The following TPR variants were observed in gnomAD, a reference collection of about 807,000 sequenced individuals.
TPR encodes translocated promoter region, nuclear basket protein, also known as nucleoprotein TPR.
A neutral mutation model predicts 316.1 loss-of-function variants in TPR; 51 were observed. The observed-to-expected ratio is 0.16, with a 90% CI of 0.13 to 0.20. The LOEUF (loss-of-function observed/expected upper bound fraction) is 0.20, where lower values mean the gene tolerates loss of function less well. Ranked by LOEUF, TPR falls within the 10% of genes least tolerant of loss-of-function variation. TPR has a pLI of 1.00. For missense variants in TPR, 2,272 were observed against 2,754.8 expected, an observed-to-expected ratio of 0.82 and a Z score of 3.92; for synonymous variants, 981 against 914.7, an observed-to-expected ratio of 1.07 and a Z score of -1.31.
chr1:186,332,128 T>A, intron 38 of TPR, 67 bp downstream of exon 38: 2 of 1,504,648 alleles, frequency 1.3e-6, no homozygotes, highest in Non-Finnish European at 1.8e-6. Context: ...TTCTTTAGGC[T>A]GTAGCTGAAA....
At position 186,346,302 on chromosome 1, in the gene TPR, A is replaced by G. The variant is rs1352396774; in HGVS notation, c.2944-15T>C. ...TCTTCTGTCACCTTTACCATATTAC[A>G]AACAGTAGGATATAAAAATTACACA... On this transcript the variant is annotated splice_polypyrimidine_tract_variant and intron_variant, in intron 22 of 50. Transcript: ENST00000367478. The G allele has an allele frequency of 6.2e-7, 1 of 1,603,842 alleles. No individual in the cohort carries two copies. The highest frequency in any genetic ancestry group is 2.2e-5 in the East Asian group (1 of 44,672).
chr1:186,325,778 T>C lies in TPR; in HGVS notation c.6098A>G (p.Asp2033Gly), dbSNP rs775107223. ...AAAAATCTCACCACTGTTTTGAGAA[T>C]CAGCAGCTCTGTGATTACCTTCACC... ...GGGEGNHRAADSQNSGEGNTG... is the reference protein window; with the variant it reads ...GGGEGNHRAAGSQNSGEGNTG... Residue 2033 changes from aspartate to glycine, a missense_variant, in exon 42 of 51, where the codon GAT becomes GGT. Physicochemically the swap from Asp to Gly is moderately conservative, Grantham distance 94. Transcript: ENST00000367478. 3 of 1,612,794 alleles carry C rather than the reference T, an allele frequency of 1.9e-6. No individual in the cohort carries two copies. The highest frequency in any genetic ancestry group is 2.5e-6 in the Non-Finnish European group (3 of 1,179,268).
chr1:186,326,353 C>T lies in TPR; in HGVS notation c.5890-118G>A, dbSNP rs534755355. ...TCATTAATCAGAAGATAGGAATTGT[C>T]CTGAGAGTTGTATGGGATTAGTACA... On this transcript the variant is annotated intron_variant, in intron 40 of 50. Coordinates refer to ENST00000367478, the MANE Select transcript of TPR (RefSeq NM_003292.3). 77 of 1,462,118 alleles carry T rather than the reference C, an allele frequency of 5.3e-5. No homozygotes were observed. The African/African-American group carries it at 1.1e-3, about 20-fold the overall frequency. 90.6% of individuals were successfully genotyped at this position (1,462,118 alleles called of 1,614,324 possible).
chr1:186,327,568 C>T lies in TPR; in HGVS notation c.5781G>A (p.Gln1927=), dbSNP rs1658039671. ...CATCCTGGGATGAAGTTGTCGTCTGCTGATCTGATTGAAGTGGCCCAAGAT... is the reference window on the plus strand; with the variant it reads ...CATCCTGGGATGAAGTTGTCGTCTGTTGATCTGATTGAAGTGGCCCAAGAT... The part of the protein sequence containing the change: ...QIDLGPLQSD[Q]QTTTSSQDGQ... Residue 1927 remains glutamine (Q), a synonymous_variant, in exon 40 of 51, where the codon CAG becomes CAA. Transcript: ENST00000367478. 1.2e-6 allele frequency: 2 copies of T among 1,612,434 alleles called. No homozygotes were observed. Among genetic ancestry groups the T allele is most frequent in the Non-Finnish European group, 1.7e-6 (2 of 1,179,744 alleles).
At chr1:186,361,563 TA>T (rs531421366) in intron 9 of TPR, 58 bp downstream of exon 9, 171,597 of 1,095,138 alleles carry the variant, frequency 0.16, no homozygotes, top group South Asian at 0.19. Flanking sequence ...AAAACAAGGG[TA>T]AAAAAAAAAA....
In TPR at chr1:186,347,974, A is replaced by G. The variant is rs1237665758; in HGVS notation, c.2777-516T>C. Among the ~76,000 whole-genome samples the G allele has an allele frequency of 3.3e-5, 5 of 152,354 alleles. No individual in the cohort carries two copies. The East Asian group carries it at 7.7e-4, about 24-fold the overall frequency. ...TGTATGTCACCTCAAGACCACTGTG[A>G]TAACTGCTAACTGTACAAATTGGTT... On this transcript the variant is annotated intron_variant, in intron 21 of 50. Transcript: ENST00000367478.
chr1:186,351,270 C>A, intron 20 of TPR, 60 bp downstream of exon 20: 2 of 1,498,714 alleles, frequency 1.3e-6, no homozygotes. Flanking sequence ...ACTGTCCACA[C>A]ACCAGATTAA....
intron 33 of TPR, among the ~76,000 whole-genome samples, chr1:186,336,076 C>G (rs1243279500): frequency 6.6e-6 from 1 of 152,044 alleles, no homozygotes; most frequent in East Asian, 1.9e-4. Flanking sequence ...ATAAATTTGA[C>G]ATGATACTCT....
chr1:186,334,965 T>C lies in TPR; in HGVS notation c.4973+103A>G, dbSNP rs142019740. The stretch of plus-strand genomic sequence containing the variant: ...AAAACAACTCTTTAGTGTATGTTTT[T>C]ACAATAGAATACACAGATTTCTTTT... On this transcript the variant is annotated intron_variant, in intron 35 of 50. Coordinates refer to ENST00000367478, the MANE Select transcript of TPR (RefSeq NM_003292.3). 420 of 1,198,522 alleles carry C rather than the reference T, an allele frequency of 3.5e-4. 5 individuals are homozygous for C. The East Asian group carries it at 9.1e-3, about 26-fold the overall frequency. The allele number at this position is 1,198,522 out of a possible 1,614,324, so 74.2% of individuals were successfully genotyped here.
In TPR at chr1:186,350,319, A is replaced by G; in HGVS notation, c.2680T>C (p.Leu894=). 1 of 1,613,598 alleles carries G rather than the reference A, an allele frequency of 6.2e-7. No homozygotes were observed. ...TNLHLNTKEL[L]KNAQKEIATL... ...GCAATTTCTTTTTGAGCATTTTTTAATAGTTCTTTTGTGTTAAGATGAAGA... is the reference window on the plus strand; with the variant it reads ...GCAATTTCTTTTTGAGCATTTTTTAGTAGTTCTTTTGTGTTAAGATGAAGA... Residue 894 remains leucine, a synonymous_variant, in exon 21 of 51, where the codon TTA becomes CTA. Transcript: ENST00000367478.
chr1:186,360,433 A>T, intron 10 of TPR, 69 bp from the exon 11 acceptor site: 1 of 1,518,512 alleles, frequency 6.6e-7, no homozygotes, highest in Non-Finnish European at 9.1e-7. Flanking sequence ...ATAATTTTTC[A>T]AGGTAAGTGA....
At chr1:186,366,753 A>G (rs1291349430) in intron 4 of TPR, among the ~76,000 whole-genome samples, 1 of 152,204 alleles carries the variant, frequency 6.6e-6, no homozygotes, top group East Asian at 1.9e-4. Context: ...TATATATCCA[A>G]AGACCTATTA....
At chr1:186,345,786 T>G (rs1281419601) in intron 23 of TPR, 90 bp from the exon 24 acceptor site, 13 of 945,192 alleles carry the variant, frequency 1.4e-5, no homozygotes, top group Non-Finnish European at 1.9e-5. Flanking sequence ...TGAAGTCTCA[T>G]TTTTTAAGAT....
chr1:186,344,963 T>C (rs1388418824), intron 24 of TPR, among the ~76,000 whole-genome samples: 3 of 152,124 alleles, frequency 2.0e-5, no homozygotes, highest in Non-Finnish European at 2.9e-5. Context: ...AGCAAATGAA[T>C]AGCTATTAAC....
intron 31 of TPR, among the ~76,000 whole-genome samples, chr1:186,337,697 G>T (rs1571614447): frequency 6.6e-6 from 1 of 151,826 alleles, no homozygotes; most frequent in East Asian, 1.9e-4. Context: ...TTTTTGATAG[G>T]TGGTTAACAT....
intron 10 of TPR, 143 bp from the exon 11 acceptor site, chr1:186,360,507 T>C: frequency 4.2e-6 from 4 of 959,302 alleles, no homozygotes; most frequent in South Asian, 3.7e-5. Context: ...CAAAAAGTCA[T>C]GTAACACATC....
chr1:186,353,113 C>T (rs1470122926), intron 18 of TPR, among the ~76,000 whole-genome samples: 1 of 152,132 alleles, frequency 6.6e-6, no homozygotes, highest in East Asian at 1.9e-4. Context: ...TGGCTCATGC[C>T]TGTAATCCCA....
At chr1:186,370,861 G>A in intron 3 of TPR, 109 bp downstream of exon 3, 1 of 874,724 alleles carries the variant, frequency 1.1e-6, no homozygotes, top group Non-Finnish European at 1.8e-6. Flanking sequence ...TCCCCTAATA[G>A]GACATCAGTT....
chr1:186,344,397 T>G lies in TPR; in HGVS notation c.3395A>C (p.Glu1132Ala). ...SQLLECKASW[E>A]ERERMLKDEV... is the part of the protein sequence containing the mutation. ...TACCTTTAACATTCTCTCTCTTTCC[T>G]CCCAAGATGCTTTACACTCCAACAA... Residue 1132 changes from glutamate to alanine, a missense_variant, in exon 25 of 51, where the codon GAG becomes GCG. Glu to Ala is a moderately radical substitution (Grantham distance 107, BLOSUM62 -1). Transcript: ENST00000367478. The G allele has an allele frequency of 6.8e-6, 11 of 1,613,914 alleles. No individual in the cohort carries two copies. The highest frequency in any genetic ancestry group is 8.5e-6 in the Non-Finnish European group (10 of 1,179,908).
Sources: allele counts gnomAD v4.1 joint callset (sites outside exome capture counted in the v4.1 genomes callset), GRCh38; gene constraint gnomAD v4.1.1; transcripts MANE v1.5; gene names NCBI Gene and HGNC (gene_info 2026-07-23, HGNC 2026-07-21).